The following ATG5 variants were observed in gnomAD, a reference collection of about 807,000 sequenced individuals.
The protein encoded by ATG5 is autophagy protein 5.
A neutral mutation model predicts 36.5 loss-of-function variants in ATG5; 14 were observed. The observed-to-expected ratio is 0.38, with a 90% CI of 0.25 to 0.60. The LOEUF is 0.60. ATG5 is among the 20% of genes least tolerant of loss of function. The probability of loss-of-function intolerance (pLI) is 0.60; values close to 1 mark genes in which losing one functional copy is unlikely to be tolerated. For missense variants in ATG5, 195 were observed against 326.7 expected (o/e 0.60, Z 3.11); for synonymous variants, 95 against 101.5 (o/e 0.94, Z 0.38).
chr6:106,219,571 A>T (rs1188316801), intron 6 of ATG5, among the ~76,000 whole-genome samples: 1 of 152,142 alleles, frequency 6.6e-6, no homozygotes, highest in East Asian at 1.9e-4. Context: ...TATTATAAGT[A>T]ATCTACAGAT....
intron 7 of ATG5, among the ~76,000 whole-genome samples, chr6:106,198,366 TG>T (rs1471233539): frequency 6.6e-6 from 1 of 152,194 alleles, no homozygotes; most frequent in Non-Finnish European, 1.5e-5. Context: ...TTTTAAAATA[TG>T]TAAATGTATT....
chr6:106,262,833 T>A (rs1034981026), intron 5 of ATG5, among the ~76,000 whole-genome samples: 1 of 152,220 alleles, frequency 6.6e-6, no homozygotes, highest in Non-Finnish European at 1.5e-5. Flanking sequence ...ACTTTTCCCA[T>A]GGTTTCTGCA....
intron 4 of ATG5, among the ~76,000 whole-genome samples, chr6:106,282,785 T>A (rs963535568): frequency 6.6e-6 from 1 of 152,128 alleles, no homozygotes; most frequent in South Asian, 2.1e-4. Flanking sequence ...GTGATTTACA[T>A]GGATTGAGAT....
At position 106,307,092 on chromosome 6, in the gene ATG5, C is replaced by T. The variant is rs1770474671; in HGVS notation, c.236+1272G>A. Among the ~76,000 whole-genome samples the T allele has an allele frequency of 2.0e-5, 3 of 152,200 alleles. No homozygotes were observed. In the South Asian group the frequency reaches 6.2e-4, roughly 31 times the overall value. On this transcript the variant is annotated intron_variant, in intron 3 of 7. Coordinates refer to ENST00000369076, the MANE Select transcript of ATG5 (RefSeq NM_004849.4). ...ATCCATTATGAAAAATCTACTCATT[C>T]TTGGGATCTCATCAGCACAAGGTGA...
chr6:106,243,219 T>C (rs984442411), intron 6 of ATG5, among the ~76,000 whole-genome samples: 3 of 152,228 alleles, frequency 2.0e-5, no homozygotes, highest in African/African-American at 7.2e-5. Context: ...TAATGGCGCT[T>C]TAATGATACA....
chr6:106,324,333 G>A lies in ATG5; in HGVS notation c.-59+1193C>T, dbSNP rs1009887154. Among the ~76,000 whole-genome samples the A allele has an allele frequency of 5.3e-5, 8 of 152,206 alleles. No homozygotes were observed. In the East Asian group the frequency reaches 5.8e-4, roughly 11 times the overall value. ...ATGCAGAGTTGAACTAAAGATAGGA[G>A]GATGTGCATAGGTTATCTGCAAACA... On this transcript the variant is annotated intron_variant, in intron 1 of 7. Transcript: ENST00000369076.
chr6:106,261,146 G>GATC (rs1779003249), intron 5 of ATG5, among the ~76,000 whole-genome samples: 1 of 152,166 alleles, frequency 6.6e-6, no homozygotes, highest in Non-Finnish European at 1.5e-5. Flanking sequence ...TGCAGAGATA[G>GATC]ATCAAGTGAG....
chr6:106,273,079 T>A (rs1032359471), intron 5 of ATG5, among the ~76,000 whole-genome samples: 1 of 152,194 alleles, frequency 6.6e-6, no homozygotes, highest in Non-Finnish European at 1.5e-5. Flanking sequence ...TGAATTTTGC[T>A]AAAGACTGTA....
chr6:106,275,107 A>G (rs530614071), intron 5 of ATG5, among the ~76,000 whole-genome samples: 1 of 152,320 alleles, frequency 6.6e-6, no homozygotes, highest in East Asian at 1.9e-4. Flanking sequence ...ACAATAAAAG[A>G]AGGAAAGCTT....
chr6:106,322,105 C>T (rs750833992), intron 1 of ATG5, among the ~76,000 whole-genome samples: 37 of 152,124 alleles, frequency 2.4e-4, no homozygotes, highest in Non-Finnish European at 4.6e-4. Context: ...AATAAAGAAA[C>T]TCCAACCTGT....
chr6:106,200,089 C>T (rs191140604), intron 7 of ATG5, among the ~76,000 whole-genome samples: 8 of 152,200 alleles, frequency 5.3e-5, no homozygotes, highest in Non-Finnish European at 1.0e-4. Flanking sequence ...ATTTTTAAAG[C>T]ATTACATACA....
intron 3 of ATG5, among the ~76,000 whole-genome samples, chr6:106,296,504 C>T (rs1217211928): frequency 3.9e-5 from 6 of 152,130 alleles, no homozygotes; most frequent in Non-Finnish European, 7.4e-5. Flanking sequence ...AGTATTGAAA[C>T]ATCTTTCAAT....
At chr6:106,238,546 G>A (rs1014039398) in intron 6 of ATG5, among the ~76,000 whole-genome samples, 15 of 152,166 alleles carry the variant, frequency 9.9e-5, no homozygotes, top group Admixed American at 5.2e-4. Flanking sequence ...TTGGGGAAGG[G>A]TGTACATGGA....
chr6:106,230,312 T>C (rs1777627662), intron 6 of ATG5, among the ~76,000 whole-genome samples: 1 of 152,182 alleles, frequency 6.6e-6, no homozygotes, highest in Non-Finnish European at 1.5e-5. Context: ...GCCTAAGAAC[T>C]GTTGTTTATG....
rs191035111 is a variant in ATG5, at chr6:106,199,369, A to G, written c.691+2603T>C. Among the ~76,000 whole-genome samples the G allele has an allele frequency of 2.2e-4, 34 of 152,326 alleles. No homozygotes were observed. The East Asian group carries it at 5.8e-3, about 26-fold the overall frequency. On this transcript the variant is annotated intron_variant, in intron 7 of 7. Coordinates refer to ENST00000369076, the MANE Select transcript of ATG5 (RefSeq NM_004849.4). ...AACCAAAATGTGATGTATCTACCCA[A>G]TGGAGTATTATTCACCAATCAAACT...
intron 4 of ATG5, among the ~76,000 whole-genome samples, chr6:106,287,790 T>A (rs761897076): frequency 4.0e-5 from 6 of 151,778 alleles, no homozygotes; most frequent in Admixed American, 6.6e-5. Flanking sequence ...AGAGAAAAAA[T>A]TTTTTTAATT....
chr6:106,317,688 A>T (rs115891554), intron 1 of ATG5, among the ~76,000 whole-genome samples: 123 of 152,350 alleles, frequency 8.1e-4, no homozygotes, highest in African/African-American at 2.7e-3. Flanking sequence ...TGTAAACTTC[A>T]TATCATTCCA....
chr6:106,228,522 A>G (rs1403139876), intron 6 of ATG5, among the ~76,000 whole-genome samples: 6 of 151,962 alleles, frequency 3.9e-5, no homozygotes, highest in Non-Finnish European at 1.5e-5. Context: ...CCAAGATTCC[A>G]TTTATTGGAA....
chr6:106,300,038 T>C (rs1770141316), intron 3 of ATG5, among the ~76,000 whole-genome samples: 1 of 152,216 alleles, frequency 6.6e-6, no homozygotes, highest in Non-Finnish European at 1.5e-5. Context: ...TAGCAATGTG[T>C]TTCACAGCTT....
Sources: allele counts gnomAD v4.1 joint callset (sites outside exome capture counted in the v4.1 genomes callset), GRCh38; gene constraint gnomAD v4.1.1; transcripts MANE v1.5; gene names NCBI Gene and HGNC (gene_info 2026-07-23, HGNC 2026-07-21).